Variants in ULK4 observed in about 807,000 individuals in gnomAD.
ULK4 encodes the protein inactive serine/threonine-protein kinase ULK4.
A neutral mutation model predicts 160.6 loss-of-function variants in ULK4; 133 were observed. The ratio of observed to expected loss-of-function variants is 0.83; its 90% confidence interval spans 0.72 to 0.96. ULK4 has a LOEUF of 0.96. ULK4 is among the 40% of genes least tolerant of loss of function. The pLI is 0.00. For missense variants in ULK4, 1,580 were observed against 1,499.5 expected, an observed-to-expected ratio of 1.05 and a Z score of -0.89; for synonymous variants, 534 against 539.8, an observed-to-expected ratio of 0.99 and a Z score of 0.15.
intron 32 of ULK4, among the ~76,000 whole-genome samples, chr3:41,559,091 T>A (rs943779630): frequency 6.6e-6 from 1 of 150,388 alleles, no homozygotes; most frequent in African/African-American, 2.4e-5. Flanking sequence ...ATGTTCTCAT[T>A]GTTCAATTCC....
intron 17 of ULK4, chr3:41,882,015 T>C (rs1211999562): frequency 1.4e-5 from 7 of 488,392 alleles, no homozygotes; most frequent in Non-Finnish European, 2.6e-5. Flanking sequence ...CAAGTACCAG[T>C]AGAATGAGGC....
chr3:41,501,272 C>A (rs1022302347), intron 32 of ULK4, among the ~76,000 whole-genome samples: 1 of 152,096 alleles, frequency 6.6e-6, no homozygotes, highest in Non-Finnish European at 1.5e-5. Flanking sequence ...CCGAGACGGG[C>A]GGATCACGAG....
At chr3:41,672,773 T>G (rs2035582235) in intron 29 of ULK4, among the ~76,000 whole-genome samples, 1 of 152,176 alleles carries the variant, frequency 6.6e-6, no homozygotes, top group Admixed American at 6.5e-5. Context: ...ACTTAATCAT[T>G]ACACATTCCA....
At chr3:41,893,695 G>T (rs1240481021) in intron 16 of ULK4, among the ~76,000 whole-genome samples, 6 of 151,828 alleles carry the variant, frequency 4.0e-5, no homozygotes, top group Admixed American at 6.6e-5. Flanking sequence ...CATATAAAAA[G>T]TTTATCTTAA....
chr3:41,587,503 T>G (rs1164917186), intron 31 of ULK4, among the ~76,000 whole-genome samples: 12 of 152,162 alleles, frequency 7.9e-5, no homozygotes, highest in Admixed American at 7.9e-4. Flanking sequence ...GAGGTTGAAT[T>G]TGACTCCATG....
intron 34 of ULK4, among the ~76,000 whole-genome samples, chr3:41,433,225 T>A (rs992827596): frequency 6.6e-6 from 1 of 152,124 alleles, no homozygotes; most frequent in Non-Finnish European, 1.5e-5. Flanking sequence ...CACAAATGAC[T>A]AATTAACCTA....
At chr3:41,454,961 T>C (rs2083510623) in intron 34 of ULK4, among the ~76,000 whole-genome samples, 1 of 152,198 alleles carries the variant, frequency 6.6e-6, no homozygotes, top group African/African-American at 2.4e-5. Context: ...TTTCCCAAAG[T>C]GCTAGGCTAA....
Position 41,604,327 on chromosome 3 carries a change from CTAAAAA to C in ULK4, c.3120+11336_3120+11341del, listed in dbSNP as rs1257537057. On this transcript the variant is annotated intron_variant, in intron 31 of 36. Coordinates refer to ENST00000301831, the MANE Select transcript of ULK4 (RefSeq NM_017886.4). ...TTATGATACATGTAATTGGAAGTCACTAAAAATAAAAGTATACTGATGTGAGTTTCT... is the reference window on the plus strand; with the variant it reads ...TTATGATACATGTAATTGGAAGTCACTAAAAGTATACTGATGTGAGTTTCT... 4.0e-5 allele frequency among the ~76,000 whole-genome samples: 6 copies of C among 151,872 alleles called. No individual in the cohort carries two copies. In the East Asian group the frequency reaches 9.7e-4, roughly 25 times the overall value.
chr3:41,339,614 C>T (rs1215741687), intron 35 of ULK4, among the ~76,000 whole-genome samples: 1 of 152,158 alleles, frequency 6.6e-6, no homozygotes, highest in Non-Finnish European at 1.5e-5. Context: ...CAGAGTTCCT[C>T]GCTGGTGAGG....
intron 21 of ULK4, chr3:41,766,827 G>C (rs977852872): frequency 7.2e-5 from 11 of 152,304 alleles, no homozygotes; most frequent in African/African-American, 2.4e-4. Context: ...CATGAGGGAG[G>C]AAGGGGACAT....
chr3:41,897,112 A>T (rs1380799194), intron 14 of ULK4, 109 bp from the exon 15 acceptor site: 1 of 1,017,670 alleles, frequency 9.8e-7, no homozygotes, highest in Middle Eastern at 3.1e-4. Context: ...GAGGACAAAC[A>T]TTACACTGTC....
rs1575878551 is a variant in ULK4, at chr3:41,882,010, A to G, written c.1656+1864T>C. On this transcript the variant is annotated intron_variant, in intron 17 of 36. Transcript: ENST00000301831. ...GAGTACAGCAGCAGCAACAGCAAGT[A>G]CCAGTAGAATGAGGCCATCACATCA... 9.8e-6 allele frequency: 5 copies of G among 509,484 alleles called. No individual in the cohort carries two copies. In the East Asian group the frequency reaches 1.6e-4, roughly 16 times the overall value. The allele number at this position is 509,484 out of a possible 1,614,324, so 31.6% of individuals were successfully genotyped here. A position where few individuals can be genotyped will look rare whatever the true frequency, so the allele number is the denominator to read the frequency against.
intron 19 of ULK4, among the ~76,000 whole-genome samples, chr3:41,815,356 T>C (rs1353309994): frequency 6.6e-6 from 1 of 152,252 alleles, no homozygotes; most frequent in African/African-American, 2.4e-5. Flanking sequence ...TGTTTCTTTT[T>C]TTCCTAATTC....
At chr3:41,572,805 A>G (rs989732371) in intron 31 of ULK4, among the ~76,000 whole-genome samples, 2 of 151,894 alleles carry the variant, frequency 1.3e-5, no homozygotes, top group African/African-American at 4.8e-5. Context: ...AAGAAGCATG[A>G]TATGGGTATT....
intron 34 of ULK4, among the ~76,000 whole-genome samples, chr3:41,404,226 A>ATTTTTTTTTTTTTTTTTTTTTTT (rs60508995): frequency 7.6e-6 from 1 of 131,866 alleles, no homozygotes; most frequent in Non-Finnish European, 1.6e-5. Context: ...TAGCTCTATC[A>ATTTTTTTTTTTTTTTTTTTTTTT]TTTTTTTTTT....
At chr3:41,398,802 T>A (rs1207911677) in intron 34 of ULK4, among the ~76,000 whole-genome samples, 2 of 152,042 alleles carry the variant, frequency 1.3e-5, no homozygotes, top group Non-Finnish European at 2.9e-5. Context: ...GTTTTTTTTA[T>A]TATTTTATTT....
intron 34 of ULK4, among the ~76,000 whole-genome samples, chr3:41,404,278 G>T (rs1480058591): frequency 1.4e-5 from 2 of 139,714 alleles, no homozygotes; most frequent in Non-Finnish European, 3.1e-5. Context: ...TGTTTAGAAT[G>T]CATACATTTA....
chr3:41,546,189 G>T (rs532305477), intron 32 of ULK4, among the ~76,000 whole-genome samples: 1 of 151,886 alleles, frequency 6.6e-6, no homozygotes, highest in Non-Finnish European at 1.5e-5. Flanking sequence ...ATAATATGTT[G>T]TGGGGAATCT....
rs551266271 is a variant in ULK4 at position 41,534,751 on chromosome 3, C to T, written c.3226+31274G>A. 1.6e-4 allele frequency among the ~76,000 whole-genome samples: 25 copies of T among 152,174 alleles called. No individual in the cohort carries two copies. In the South Asian group the frequency reaches 3.5e-3, roughly 21 times the overall value. ...ACTAAGAAAGAAAACATGCTAATTA[C>T]AGTATGTTGCATATTTTATCACTTA... On this transcript the variant is annotated intron_variant, in intron 32 of 36. Coordinates refer to ENST00000301831, the MANE Select transcript of ULK4 (RefSeq NM_017886.4).
Sources: gnomAD v4.1 joint callset for allele counts (sites outside exome capture counted in the v4.1 genomes callset) on GRCh38, gnomAD v4.1.1 for gene constraint, MANE v1.5 for transcripts, NCBI Gene and HGNC (gene_info 2026-07-23, HGNC 2026-07-21) for gene names.